Variants in PCCB observed in about 807,000 individuals in gnomAD.
PCCB encodes the protein propionyl-CoA carboxylase beta chain, mitochondrial.
Under a neutral mutation model 60.7 loss-of-function variants are expected in PCCB, and 43 were observed. The observed-to-expected ratio is 0.71, with a 90% CI of 0.55 to 0.91. The LOEUF (loss-of-function observed/expected upper bound fraction) is 0.91. PCCB is among the 40% of genes least tolerant of loss of function. The probability of loss-of-function intolerance (pLI) is 0.00; values close to 1 mark genes in which losing one functional copy is unlikely to be tolerated. For missense variants in PCCB, 766 were observed against 702.8 expected (o/e 1.09, Z -1.02); for synonymous variants, 276 against 255.9 (o/e 1.08, Z -0.75).
chr3:136,317,078 CTTA>C lies in PCCB; in HGVS notation c.1090+16_1090+18del. 1.2e-6 allele frequency: 2 copies of C among 1,613,992 alleles called. No individual in the cohort carries two copies. The highest frequency in any genetic ancestry group is 2.7e-5 in the African/African-American group (2 of 74,986). On this transcript the variant is annotated intron_variant, in intron 10 of 14. Transcript: ENST00000251654. ...AGGTGGCCTCAGGTAGGATGGAGCT[CTTA>C]TAAGCCTTGGTTTTGGGGTTGGAGG...
At position 136,259,092 on chromosome 3, in the gene PCCB, A is replaced by G. The variant is rs999722203; in HGVS notation, c.373-1387A>G. On this transcript the variant is annotated intron_variant, in intron 3 of 14. Coordinates refer to ENST00000251654, the MANE Select transcript of PCCB (RefSeq NM_000532.5). Reference sequence around the variant, plus strand: ...AGGTTATGCCCACAATAAGCCCTTTACATCTGAACATAATGAAGATCCATA... The same window carrying G: ...AGGTTATGCCCACAATAAGCCCTTTGCATCTGAACATAATGAAGATCCATA... The G allele has an allele frequency of 5.3e-6, 7 of 1,314,542 alleles. No individual in the cohort carries two copies. In the East Asian group the frequency reaches 2.1e-4, roughly 39 times the overall value. The allele number at this position is 1,314,542 out of a possible 1,614,324, so 81.4% of individuals were successfully genotyped here. A position where few individuals can be genotyped will look rare whatever the true frequency, so the allele number is the denominator to read the frequency against.
At chr3:136,250,662 G>C in intron 1 of PCCB, 104 bp downstream of exon 1, 1 of 1,164,410 alleles carries the variant, frequency 8.6e-7, no homozygotes, top group Non-Finnish European at 1.2e-6. Flanking sequence ...TCCGCACGGT[G>C]CCTGGAGGGG....
At chr3:136,291,974 C>G (rs1279602476) in intron 6 of PCCB, among the ~76,000 whole-genome samples, 1 of 152,280 alleles carries the variant, frequency 6.6e-6, no homozygotes, top group South Asian at 2.1e-4. Flanking sequence ...AGCTATAGTT[C>G]CGGTTTTCCT....
chr3:136,271,744 C>A (rs1396208019), intron 5 of PCCB, among the ~76,000 whole-genome samples: 1 of 152,116 alleles, frequency 6.6e-6, no homozygotes, highest in African/African-American at 2.4e-5. Flanking sequence ...TTTATCAGAT[C>A]TAGGAGTCTT....
intron 9 of PCCB, among the ~76,000 whole-genome samples, chr3:136,314,559 G>A (rs1425483698): frequency 6.6e-6 from 1 of 152,150 alleles, no homozygotes; most frequent in South Asian, 2.1e-4. Flanking sequence ...GGAGGCTAAG[G>A]TGGGAAGATC....
intron 5 of PCCB, among the ~76,000 whole-genome samples, chr3:136,273,876 C>A (rs1340195879): frequency 7.8e-6 from 1 of 128,696 alleles, no homozygotes; most frequent in African/African-American, 3.0e-5. Context: ...TGCACCACTG[C>A]ACTCCAGTCT....
chr3:136,311,897 A>G (rs1277048242), intron 9 of PCCB, among the ~76,000 whole-genome samples: 2 of 152,218 alleles, frequency 1.3e-5, no homozygotes, highest in Non-Finnish European at 2.9e-5. Flanking sequence ...TGTTCTATAA[A>G]TTTAAGGCAA....
At chr3:136,258,187 A>G (rs1941726635) in intron 3 of PCCB, among the ~76,000 whole-genome samples, 1 of 152,224 alleles carries the variant, frequency 6.6e-6, no homozygotes, top group Non-Finnish European at 1.5e-5. Context: ...ACCACTATTA[A>G]GCAGATGGAA....
At chr3:136,250,621 C>T (rs865998519) in intron 1 of PCCB, 63 bp downstream of exon 1, 29 of 1,495,134 alleles carry the variant, frequency 1.9e-5, no homozygotes, top group Non-Finnish European at 2.4e-5. Context: ...ACTGCGTGCC[C>T]GGCTTGCGGC....
At chr3:136,266,618 G>A (rs1036997483) in intron 5 of PCCB, among the ~76,000 whole-genome samples, 1 of 152,020 alleles carries the variant, frequency 6.6e-6, no homozygotes, top group Non-Finnish European at 1.5e-5. Flanking sequence ...TTTTAGTGGT[G>A]TGTAATGGTA....
chr3:136,291,938 C>A (rs1276718904), intron 6 of PCCB, among the ~76,000 whole-genome samples: 2 of 152,182 alleles, frequency 1.3e-5, no homozygotes, highest in Non-Finnish European at 2.9e-5. Flanking sequence ...TCCGACTTGT[C>A]CATGCTGGGC....
chr3:136,326,450 C>A, intron 10 of PCCB: 1 of 700,242 alleles, frequency 1.4e-6, no homozygotes, highest in Non-Finnish European at 2.6e-6. Flanking sequence ...ATCAGTGGAG[C>A]CAGAATCTGA....
chr3:136,263,254 G>GTTTTTTTTT (rs137942280), intron 5 of PCCB, among the ~76,000 whole-genome samples: 8 of 125,940 alleles, frequency 6.4e-5, no homozygotes, highest in East Asian at 2.3e-4. Context: ...CGCCCAGCTG[G>GTTTTTTTTT]TTTTTTTTTT....
chr3:136,318,071 C>G (rs576846229), intron 10 of PCCB, among the ~76,000 whole-genome samples: 14 of 152,234 alleles, frequency 9.2e-5, no homozygotes, highest in Admixed American at 2.6e-4. Flanking sequence ...GGGTGTGGTG[C>G]CTCACGCCTG....
chr3:136,307,470 T>G (rs1311847657), intron 9 of PCCB, among the ~76,000 whole-genome samples: 1 of 151,990 alleles, frequency 6.6e-6, no homozygotes. Flanking sequence ...CTAACAGATA[T>G]CATTAAAAAC....
In PCCB at chr3:136,250,490, A is replaced by C. The variant is rs1208205672; in HGVS notation, c.115A>C (p.Ile39Leu). ...CSQATSVNER[I>L]ENKRRTALLG... ...CCAGGCCACCTCTGTTAACGAACGCATCGAAAACAAGCGCCGGACCGCGCT... is the reference window on the plus strand; with the variant it reads ...CCAGGCCACCTCTGTTAACGAACGCCTCGAAAACAAGCGCCGGACCGCGCT... Residue 39 changes from isoleucine (I) to leucine (L), a missense_variant, in exon 1 of 15, where the codon ATC (isoleucine) becomes CTC (leucine). Ile to Leu is a conservative substitution (Grantham distance 5). Coordinates refer to ENST00000251654, the MANE Select transcript of PCCB (RefSeq NM_000532.5). The C allele has an allele frequency of 6.2e-7, 1 of 1,612,940 alleles. No homozygotes were observed. The highest frequency in any genetic ancestry group is 1.1e-5 in the South Asian group (1 of 90,958).
At chr3:136,289,934 A>C (rs1933597377) in intron 6 of PCCB, among the ~76,000 whole-genome samples, 1 of 152,078 alleles carries the variant, frequency 6.6e-6, no homozygotes, top group African/African-American at 2.4e-5. Flanking sequence ...CCTTCCTCCT[A>C]TCCCTCATAT....
intron 5 of PCCB, among the ~76,000 whole-genome samples, chr3:136,266,902 TGA>T (rs1941998508): frequency 6.6e-6 from 1 of 152,154 alleles, no homozygotes; most frequent in Non-Finnish European, 1.5e-5. Context: ...TTTTATTTTT[TGA>T]GACAGCCTCA....
In PCCB at chr3:136,305,829, A is replaced by G. The variant is rs1351141894; in HGVS notation, c.966+4718A>G. Among the ~76,000 whole-genome samples the G allele has an allele frequency of 1.4e-4, 17 of 121,736 alleles. 8 individuals are homozygous for G. The East Asian group carries it at 9.8e-3, about 70-fold the overall frequency. 79.9% of individuals were successfully genotyped at this position (121,736 alleles called of 152,430 possible). A position where few individuals can be genotyped will look rare whatever the true frequency, so the allele number is the denominator to read the frequency against. On this transcript the variant is annotated intron_variant, in intron 9 of 14. Coordinates refer to ENST00000251654, the MANE Select transcript of PCCB (RefSeq NM_000532.5). Reference sequence around the variant, plus strand: ...GACTTTAGAAGCTACTTAAGAGTGCACACACAAATCAATACGGTAGTCAGG... The same window carrying G: ...GACTTTAGAAGCTACTTAAGAGTGCGCACACAAATCAATACGGTAGTCAGG...
Sources: allele counts gnomAD v4.1 joint callset (sites outside exome capture counted in the v4.1 genomes callset), GRCh38; gene constraint gnomAD v4.1.1; transcripts MANE v1.5; gene names NCBI Gene and HGNC (gene_info 2026-07-23, HGNC 2026-07-21).